Variants in SSBP3 observed in about 807,000 individuals in gnomAD.
SSBP3 encodes single-stranded DNA-binding protein 3.
A neutral mutation model predicts 69.6 loss-of-function variants in SSBP3; 5 were observed. The observed-to-expected ratio is 0.07, with a 90% CI of 0.04 to 0.15. The LOEUF is 0.15. Among genes scored for constraint, SSBP3 ranks in the 10% least tolerant of loss-of-function variants. The pLI is 1.00. For synonymous variants in SSBP3, 196 were observed against 193.4 expected (o/e 1.01, Z -0.11); for missense variants, 312 against 534.0 (o/e 0.58, Z 4.10).
At chr1:54,403,490 C>T (rs577523310) in intron 3 of SSBP3, among the ~76,000 whole-genome samples, 14 of 152,340 alleles carry the variant, frequency 9.2e-5, no homozygotes, top group African/African-American at 3.4e-4. Flanking sequence ...GAAAGCCTAT[C>T]ACCCACTCCT....
chr1:54,406,302 C>CCGCT, exon 1 of SSBP3: 2 of 234,470 alleles, frequency 8.5e-6, no homozygotes, highest in African/African-American at 4.8e-5. Context: ...CGCCCGCTCT[C>CCGCT]CGCTCGCTCG....
chr1:54,265,446 G>A (rs920338559), intron 5 of SSBP3, among the ~76,000 whole-genome samples: 9 of 152,208 alleles, frequency 5.9e-5, no homozygotes, highest in African/African-American at 2.2e-4. Flanking sequence ...GCACATGCAC[G>A]GTAGGTGGGT....
intron 4 of SSBP3, among the ~76,000 whole-genome samples, chr1:54,316,157 G>GCA (rs1286894774): frequency 6.9e-6 from 1 of 144,750 alleles, no homozygotes; most frequent in Non-Finnish European, 1.5e-5. Context: ...ATCCTGGCTA[G>GCA]CACACAGTGA....
chr1:54,275,182 G>A (rs1470967131), intron 5 of SSBP3, among the ~76,000 whole-genome samples: 7 of 152,182 alleles, frequency 4.6e-5, no homozygotes, highest in East Asian at 1.9e-4. Flanking sequence ...ACGTCTGACC[G>A]AGGGGCTAAG....
intron 4 of SSBP3, among the ~76,000 whole-genome samples, chr1:54,316,905 G>A (rs965347467): frequency 6.6e-6 from 1 of 152,084 alleles, no homozygotes; most frequent in Admixed American, 6.6e-5. Flanking sequence ...GCACCTTCTT[G>A]CTGCATCCTC....
intron 4 of SSBP3, among the ~76,000 whole-genome samples, chr1:54,374,407 A>C (rs1031961279): frequency 2.0e-5 from 3 of 152,236 alleles, no homozygotes; most frequent in Non-Finnish European, 4.4e-5. Flanking sequence ...AGTAAGCCCC[A>C]AAAGGGCATC....
At position 54,240,579 on chromosome 1, in the gene SSBP3, G is replaced by T. The variant is rs150748703; in HGVS notation, c.856+326C>A. On this transcript the variant is annotated intron_variant, in intron 13 of 17. Coordinates refer to ENST00000610401, the Ensembl canonical transcript of SSBP3. ...GCCTCAGAATCCTGGTCCCAGGATG[G>T]CAGAACCCCAAGGCCCCTTTTTGAG... Among the ~76,000 whole-genome samples, 772 of 151,984 alleles carry T rather than the reference G, an allele frequency of 5.1e-3. 3 individuals are homozygous for T. Among genetic ancestry groups the T allele is most frequent in the African/African-American group, 0.018 (743 of 41,432 alleles).
intron 5 of SSBP3, 104 bp downstream of exon 5, chr1:54,281,333 AC>A (rs1427603035): frequency 2.3e-6 from 2 of 865,048 alleles, no homozygotes; most frequent in East Asian, 5.4e-5. Context: ...CTGTATTTAG[AC>A]CATGGCAAAC....
intron 4 of SSBP3, among the ~76,000 whole-genome samples, chr1:54,380,478 A>G (rs1311790655): frequency 6.6e-6 from 1 of 152,206 alleles, no homozygotes; most frequent in Non-Finnish European, 1.5e-5. Flanking sequence ...GTGCCGACAC[A>G]TGCTCCGAGT....
chr1:54,332,947 C>T (rs1016807046), intron 4 of SSBP3, among the ~76,000 whole-genome samples: 5 of 152,010 alleles, frequency 3.3e-5, no homozygotes, highest in Non-Finnish European at 5.9e-5. Flanking sequence ...CACACACACG[C>T]GTGCGCCTCC....
chr1:54,355,931 T>C (rs917718571), intron 4 of SSBP3, among the ~76,000 whole-genome samples: 2 of 152,330 alleles, frequency 1.3e-5, no homozygotes, highest in South Asian at 4.1e-4. Flanking sequence ...ATTAACGCAG[T>C]GCTCGTGCCA....
chr1:54,324,783 G>A (rs1646271918), intron 4 of SSBP3, among the ~76,000 whole-genome samples: 2 of 152,214 alleles, frequency 1.3e-5, no homozygotes, highest in Admixed American at 6.5e-5. Flanking sequence ...GCCCCGCTGT[G>A]ATTTAGTACG....
intron 13 of SSBP3, 73 bp from the exon 14 acceptor site, chr1:54,239,272 G>C: frequency 8.4e-7 from 1 of 1,189,834 alleles, no homozygotes; most frequent in East Asian, 2.5e-5. Flanking sequence ...CATGGCACTG[G>C]AACTCATTCT....
At chr1:54,370,674 A>G (rs927184329) in intron 4 of SSBP3, among the ~76,000 whole-genome samples, 1 of 152,162 alleles carries the variant, frequency 6.6e-6, no homozygotes, top group African/African-American at 2.4e-5. Flanking sequence ...ATGAGCTCAC[A>G]TACAGGAGAT....
intron 1 of SSBP3, among the ~76,000 whole-genome samples, chr1:54,411,584 G>A (rs940956089): frequency 1.3e-4 from 19 of 151,904 alleles, no homozygotes; most frequent in Non-Finnish European, 2.2e-4. Context: ...AGCCAGGGAC[G>A]CTGGGAAGTA....
At chr1:54,238,953 G>A (rs569482844) in intron 14 of SSBP3, 176 bp downstream of exon 14, 10 of 366,236 alleles carry the variant, frequency 2.7e-5, no homozygotes, top group Non-Finnish European at 4.5e-5. Context: ...ACCCCCTGCC[G>A]CCCATGAAAT....
At chr1:54,362,330 C>T (rs183372445) in intron 4 of SSBP3, among the ~76,000 whole-genome samples, 1 of 152,330 alleles carries the variant, frequency 6.6e-6, no homozygotes, top group East Asian at 1.9e-4. Context: ...TATGTGGCAT[C>T]AGCCAGCATC....
At chr1:54,297,564 G>C (rs1645724311) in intron 4 of SSBP3, among the ~76,000 whole-genome samples, 2 of 152,230 alleles carry the variant, frequency 1.3e-5, no homozygotes, top group South Asian at 4.1e-4. Context: ...TTGGGAGGCA[G>C]AGGTTGCAGT....
Position 54,405,668 on chromosome 1 carries a change from G to T in SSBP3, c.56+285C>A, listed in dbSNP as rs989482718. ...GGCGGGACCTCGCCCACCACTCACCGCGGGCCCCCGCGCTCGACCCGCGCC... is the reference window on the plus strand; with the variant it reads ...GGCGGGACCTCGCCCACCACTCACCTCGGGCCCCCGCGCTCGACCCGCGCC... On this transcript the variant is annotated intron_variant, in intron 1 of 17. Transcript: ENST00000610401. Among the ~76,000 whole-genome samples the T allele has an allele frequency of 3.3e-5, 5 of 151,786 alleles. No individual in the cohort carries two copies. In the East Asian group the frequency reaches 7.9e-4, roughly 24 times the overall value.
Sources: allele counts gnomAD v4.1 joint callset (sites outside exome capture counted in the v4.1 genomes callset), GRCh38; gene constraint gnomAD v4.1.1; transcripts MANE v1.5; gene names NCBI Gene and HGNC (gene_info 2026-07-23, HGNC 2026-07-21).